Variants in FAM83H observed in about 807,000 individuals in gnomAD.
The protein encoded by FAM83H is scaffolding CK1 anchoring protein H.
In FAM83H, 24 loss-of-function variants were observed where a neutral mutation model predicts 30.2. The observed-to-expected ratio is 0.79, with a 90% confidence interval of 0.57 to 1.12. The LOEUF (loss-of-function observed/expected upper bound fraction) is 1.12. FAM83H is among the 50% of genes most tolerant of loss of function. FAM83H has a pLI of 0.00. For synonymous variants in FAM83H, 1,013 were observed against 821.7 expected, an observed-to-expected ratio of 1.23 and a Z score of -3.98; for missense variants, 2,038 against 1,773.9, an observed-to-expected ratio of 1.15 and a Z score of -2.67.
In FAM83H at chr8:143,725,156, C is replaced by CGGGGGGGGGGGGGGGGGGGGGGGGGG. The variant is rs549881150; in HGVS notation, c.*764_*765insCCCCCCCCCCCCCCCCCCCCCCCCCC. On this transcript the variant is annotated 3_prime_UTR_variant, in exon 5 of 5. Coordinates refer to ENST00000388913, the MANE Select transcript of FAM83H (RefSeq NM_198488.5). ...AAGCCCAGGCGGGGGAGGGGGGAGA[C>CGGGGGGGGGGGGGGGGGGGGGGGGGG]GGGGGGGGGGGGGGGGGAGGGAAGG... The CGGGGGGGGGGGGGGGGGGGGGGGGGG allele has an allele frequency of 2.7e-5, 1 of 37,570 alleles. No individual in the cohort carries two copies. Among genetic ancestry groups the CGGGGGGGGGGGGGGGGGGGGGGGGGG allele is most frequent in the Non-Finnish European group, 5.5e-5 (1 of 18,068 alleles). 2.3% of individuals were successfully genotyped at this position (37,570 alleles called of 1,614,324 possible).
Position 143,727,758 on chromosome 8 carries a change from C to T in FAM83H, c.1703G>A (p.Arg568His), listed in dbSNP as rs782692362. 10 of 1,482,550 alleles carry T rather than the reference C, an allele frequency of 6.7e-6. No individual in the cohort carries two copies. In the South Asian group the frequency reaches 1.0e-4, roughly 15 times the overall value. The allele number at this position is 1,482,550 out of a possible 1,614,324, so 91.8% of individuals were successfully genotyped here. Reference sequence around the variant, plus strand: ...TGCCCGCCCCTCGGGCCCGCCCCTGCGCTCCGGCTCCGCCTCGGGAGCGGG... The same window carrying T: ...TGCCCGCCCCTCGGGCCCGCCCCTGTGCTCCGGCTCCGCCTCGGGAGCGGG... ...PDPAPEAEPE[R>H]RGGPEGRAGL... Residue 568 changes from arginine (R) to histidine (H), a missense_variant, in exon 5 of 5, where the codon CGC becomes CAC. Arg to His is a conservative substitution (Grantham distance 29). Transcript: ENST00000388913.
chr8:143,726,821 C>A lies in FAM83H; in HGVS notation c.2640G>T (p.Gly880=). 6.2e-7 allele frequency: 1 copy of A among 1,612,926 alleles called. No individual in the cohort carries two copies. Among genetic ancestry groups the A allele is most frequent in the Non-Finnish European group, 8.5e-7 (1 of 1,179,910 alleles). ...SPTSAYPERK[G]SPTPGFSTRR... The stretch of plus-strand genomic sequence containing the variant: ...GAGTGGAAAACCCAGGCGTGGGGCT[C>A]CCCTTCCGCTCAGGGTAAGCCGAGG... Residue 880 remains glycine, a synonymous_variant, in exon 5 of 5, where the codon GGG becomes GGT. Coordinates refer to ENST00000388913, the MANE Select transcript of FAM83H (RefSeq NM_198488.5).
chr8:143,728,567 G>C lies in FAM83H; in HGVS notation c.894C>G (p.Ala298=). ...AAALARMDAY[A]LAPYAGAGPL... is the part of the protein sequence containing the mutation. ...GCCCGGCCCCGGCATACGGAGCCAG[G>C]GCATAGGCGTCCATGCGGGCCAGGG... Residue 298 remains alanine, a synonymous_variant, in exon 5 of 5, where the codon GCC becomes GCG. Transcript: ENST00000388913. The C allele has an allele frequency of 6.3e-7, 1 of 1,592,742 alleles. No homozygotes were observed. Among genetic ancestry groups the C allele is most frequent in the African/African-American group, 1.3e-5 (1 of 74,646 alleles).
chr8:143,728,484 G>T lies in FAM83H; in HGVS notation c.977C>A (p.Ala326Glu). Residue 326 changes from alanine to glutamate, a missense_variant, in exon 5 of 5, where the codon GCG becomes GAG. Transcript: ENST00000388913. ...CCGGGGTGGCGGGAACAGGAGGTGC[G>T]CTCGTTTAGGGAAGGAGAAGGGGGT... ...APTPFSFPKR[A>E]HLLFPPPREE... 1 of 1,554,026 alleles carries T rather than the reference G, an allele frequency of 6.4e-7. No individual in the cohort carries two copies. Among genetic ancestry groups the T allele is most frequent in the Non-Finnish European group, 8.7e-7 (1 of 1,148,722 alleles).
chr8:143,731,283 TCTGA>T, intron 1 of FAM83H: 3 of 973,582 alleles, frequency 3.1e-6, no homozygotes, highest in South Asian at 4.7e-5. Context: ...TGTGTCCGTC[TCTGA>T]CTGCCTGGGA....
chr8:143,725,610 C>T lies in FAM83H; in HGVS notation c.*311G>A. 1.9e-6 allele frequency: 1 copy of T among 524,484 alleles called. No individual in the cohort carries two copies. Among genetic ancestry groups the T allele is most frequent in the Non-Finnish European group, 3.4e-6 (1 of 291,754 alleles). The allele number at this position is 524,484 out of a possible 1,614,324, so 32.5% of individuals were successfully genotyped here. On this transcript the variant is annotated 3_prime_UTR_variant, in exon 5 of 5. Coordinates refer to ENST00000388913, the MANE Select transcript of FAM83H (RefSeq NM_198488.5). ...ATAAAGGGGGCGGGGGGGACTGAGG[C>T]ACAAAGAGATGGCGGAGCCAGACGC...
At position 143,725,812 on chromosome 8, in the gene FAM83H, C is replaced by G; in HGVS notation, c.*109G>C. 1 of 1,537,694 alleles carries G rather than the reference C, an allele frequency of 6.5e-7. No homozygotes were observed. Among genetic ancestry groups the G allele is most frequent in the Non-Finnish European group, 8.8e-7 (1 of 1,138,700 alleles). On this transcript the variant is annotated 3_prime_UTR_variant, in exon 5 of 5. Coordinates refer to ENST00000388913, the MANE Select transcript of FAM83H (RefSeq NM_198488.5). Reference sequence around the variant, plus strand: ...CAGCCAAGCCCCAAGCGGCCGTGGCCTGACAGCCGCTGCTCAAGCAGATGA... The same window carrying G: ...CAGCCAAGCCCCAAGCGGCCGTGGCGTGACAGCCGCTGCTCAAGCAGATGA...
rs1818225134 is a variant in FAM83H at position 143,725,010 on chromosome 8, G to GCCCCCCCCCCCCCCCCCCA, written c.*910_*911insTGGGGGGGGGGGGGGGGGG. Reference sequence around the variant, plus strand: ...CTTCTGGTCCAGCTCCCCCCCCCCTGCCCCACCCACCCCTTGCAAACTGCC... The same window carrying GCCCCCCCCCCCCCCCCCCA: ...CTTCTGGTCCAGCTCCCCCCCCCCTGCCCCCCCCCCCCCCCCCCACCCCACCCACCCCTTGCAAACTGCC... On this transcript the variant is annotated 3_prime_UTR_variant, in exon 5 of 5. Coordinates refer to ENST00000388913, the MANE Select transcript of FAM83H (RefSeq NM_198488.5). The GCCCCCCCCCCCCCCCCCCA allele has an allele frequency of 2.0e-5, 2 of 100,160 alleles. No homozygotes were observed. Among genetic ancestry groups the GCCCCCCCCCCCCCCCCCCA allele is most frequent in the African/African-American group, 7.3e-5 (2 of 27,390 alleles). 6.2% of individuals were successfully genotyped at this position (100,160 alleles called of 1,614,324 possible). A position where few individuals can be genotyped will look rare whatever the true frequency, so the allele number is the denominator to read the frequency against.
In FAM83H at chr8:143,727,984, C is replaced by A; in HGVS notation, c.1477G>T (p.Ala493Ser). Residue 493 changes from alanine (A) to serine (S), a missense_variant, in exon 5 of 5, where the codon GCC (alanine) becomes TCC (serine). Transcript: ENST00000388913. ...FADPDDFTLG[A>S]GPRFPELGPD... ...CCGAGCTCCGGGAAGCGGGGCCCGG[C>A]GCCCAGGGTGAAGTCATCCGGGTCC... 6.3e-7 allele frequency: 1 copy of A among 1,580,540 alleles called. No individual in the cohort carries two copies.
chr8:143,731,748 C>T (rs1818528518), intron 1 of FAM83H: 1 of 985,372 alleles, frequency 1.0e-6, no homozygotes, highest in South Asian at 4.7e-5. Flanking sequence ...CCATCCAGGG[C>T]AGCAGGGACC....
Position 143,730,203 on chromosome 8 carries a change from T to A in FAM83H, c.380A>T (p.Gln127Leu). The A allele has an allele frequency of 1.9e-6, 3 of 1,611,040 alleles. No homozygotes were observed. The highest frequency in any genetic ancestry group is 2.5e-6 in the Non-Finnish European group (3 of 1,178,020). ...ACTGGGGCTGTCGGGGGGCGGTGGC[T>A]GCACCAAGGTGGTCACCTCGGTGCC... ...FQGTEVTTLV[Q>L]PPPPDSPSIK... is the part of the protein sequence containing the mutation. Residue 127 changes from glutamine to leucine, a missense_variant, in exon 2 of 5, where the codon CAG (glutamine) becomes CTG (leucine). By Grantham distance (113) the Gln-to-Leu change is moderately radical. Transcript: ENST00000388913.
Position 143,730,556 on chromosome 8 carries a change from C to T in FAM83H, c.27G>A (p.Ser9=), listed in dbSNP as rs560810643. Residue 9 remains serine, a synonymous_variant, in exon 2 of 5, where the codon TCG becomes TCA. Transcript: ENST00000388913. The part of the protein sequence containing the change: MARRSQSS[S]QGDNPLAPGY... ...CGGGTGCCAGTGGGTTGTCCCCCTG[C>T]GAGGAGCTCTGAGAGCGACGGGCCA... is the stretch of plus-strand genomic sequence containing the variant. 14 of 1,561,900 alleles carry T rather than the reference C, an allele frequency of 9.0e-6. No homozygotes were observed. Among genetic ancestry groups the T allele is most frequent in the South Asian group, 2.4e-5 (2 of 83,740 alleles).
In FAM83H at chr8:143,726,952, A is replaced by T; in HGVS notation, c.2509T>A (p.Ser837Thr). 6.2e-7 allele frequency: 1 copy of T among 1,610,236 alleles called. No individual in the cohort carries two copies. The highest frequency in any genetic ancestry group is 8.5e-7 in the Non-Finnish European group (1 of 1,179,034). ...GGGGACGTTGAGTGGCTCTGGGCAGAGAGGAAGCGGGAAGGCAGGCGGTCG... is the reference window on the plus strand; with the variant it reads ...GGGGACGTTGAGTGGCTCTGGGCAGTGAGGAAGCGGGAAGGCAGGCGGTCG... ...GSDRLPSRFL[S>T]AQSHSTSPQG... Residue 837 changes from serine to threonine, a missense_variant, in exon 5 of 5, where the codon TCT becomes ACT. Ser to Thr is a moderately conservative substitution (Grantham distance 58, BLOSUM62 1). Transcript: ENST00000388913.
Position 143,727,705 on chromosome 8 carries a change from A to G in FAM83H, c.1756T>C (p.Tyr586His). 1 of 1,554,692 alleles carries G rather than the reference A, an allele frequency of 6.4e-7. No homozygotes were observed. Among genetic ancestry groups the G allele is most frequent in the Admixed American group, 1.8e-5 (1 of 54,730 alleles). ...AGLRRWRLAS[Y>H]LSGCHGEDGG... ...TCCTCGCCGTGGCAGCCGCTCAAGT[A>G]GGAGGCCAAACGCCAGCGCCGCAGC... Residue 586 changes from tyrosine to histidine, a missense_variant, in exon 5 of 5, where the codon TAC becomes CAC. By Grantham distance (83) the Tyr-to-His change is moderately conservative. Coordinates refer to ENST00000388913, the MANE Select transcript of FAM83H (RefSeq NM_198488.5).
rs1554623274 is a variant in FAM83H at position 143,728,298 on chromosome 8, CCAG to C, written c.1160_1162del (p.Ala387del). On this transcript the variant is annotated inframe_deletion, in exon 5 of 5. Transcript: ENST00000388913. ...GAAGCCCCGCGCGCCCGCGAGCTCC[CCAG>C]CCGGCCCGGCCTCGGCCTCCAGGCG... 2.0e-6 allele frequency: 3 copies of C among 1,476,430 alleles called. No individual in the cohort carries two copies. The highest frequency in any genetic ancestry group is 1.8e-6 in the Non-Finnish European group (2 of 1,118,264). 91.5% of individuals were successfully genotyped at this position (1,476,430 alleles called of 1,614,324 possible). A position where few individuals can be genotyped will look rare whatever the true frequency, so the allele number is the denominator to read the frequency against.
In FAM83H at chr8:143,730,529, C is replaced by T; in HGVS notation, c.54G>A (p.Gly18=). 1.3e-6 allele frequency: 2 copies of T among 1,578,014 alleles called. No individual in the cohort carries two copies. Among genetic ancestry groups the T allele is most frequent in the Non-Finnish European group, 1.7e-6 (2 of 1,159,612 alleles). ...SSQGDNPLAP[G]YLPPHYKEYY... is the part of the protein sequence containing the mutation. ...ACTCTTTGTAGTGAGGCGGCAGGTA[C>T]CCGGGTGCCAGTGGGTTGTCCCCCT... is the stretch of plus-strand genomic sequence containing the variant. The change falls in exon 2 of 5, where the codon GGG becomes GGA. Residue 18 remains glycine, a synonymous_variant. Transcript: ENST00000388913.
At chr8:143,731,217 T>C (rs1818508937) in intron 1 of FAM83H, 4 of 334,870 alleles carry the variant, frequency 1.2e-5, no homozygotes, top group Non-Finnish European at 1.3e-5. Context: ...TTTAAGACAT[T>C]CACGGACCCC....
rs1295660532 is a variant in FAM83H, at chr8:143,727,787, T to TGGGCCC, written c.1668_1673dup (p.Gly557_Pro558dup). 3 of 1,391,854 alleles carry TGGGCCC rather than the reference T, an allele frequency of 2.2e-6. No homozygotes were observed. The highest frequency in any genetic ancestry group is 2.8e-6 in the Non-Finnish European group (3 of 1,083,796). 86.2% of individuals were successfully genotyped at this position (1,391,854 alleles called of 1,614,324 possible). A position where few individuals can be genotyped will look rare whatever the true frequency, so the allele number is the denominator to read the frequency against. ...CCGGCTCCGCCTCGGGAGCGGGGTC[T>TGGGCCC]GGGCCCGGCCTCGCCGCGGCCTGGC... On this transcript the variant is annotated inframe_insertion, in exon 5 of 5. Transcript: ENST00000388913.
rs1818321230 is a variant in FAM83H, at chr8:143,726,994, G to A, written c.2467C>T (p.Leu823=). Residue 823 remains leucine (L), a synonymous_variant, in exon 5 of 5, where the codon CTG becomes TTG. Coordinates refer to ENST00000388913, the MANE Select transcript of FAM83H (RefSeq NM_198488.5). ...AGGCGGTCGGAGCCGCTCCGGCCCA[G>A]TGTGTCGAGCAGCTGCGCCGCGGTG... The part of the protein sequence containing the change: ...SLTAAQLLDT[L]GRSGSDRLPS... 6.3e-7 allele frequency: 1 copy of A among 1,592,418 alleles called. No homozygotes were observed. Among genetic ancestry groups the A allele is most frequent in the East Asian group, 2.3e-5 (1 of 43,906 alleles).
Sources: gnomAD v4.1 joint callset for allele counts on GRCh38, gnomAD v4.1.1 for gene constraint, MANE v1.5 for transcripts, NCBI Gene and HGNC (gene_info 2026-07-23, HGNC 2026-07-21) for gene names.